MAP3K5: variants seen among roughly 807,000 people sequenced by gnomAD.
MAP3K5 encodes mitogen-activated protein kinase kinase kinase 5.
A neutral mutation model predicts 158.7 loss-of-function variants in MAP3K5; 56 were observed. That is an observed-to-expected ratio of 0.35 (90% CI 0.28 to 0.44). The LOEUF is 0.44. Among genes scored for constraint, MAP3K5 ranks in the 20% least tolerant of loss-of-function variants. MAP3K5 has a pLI of 1.00. For synonymous variants in MAP3K5, 579 were observed against 601.7 expected (o/e 0.96, Z 0.55); for missense variants, 1,294 against 1,674.8 (o/e 0.77, Z 3.97).
At chr6:136,577,040 C>T (rs559145976) in intron 25 of MAP3K5, among the ~76,000 whole-genome samples, 87 of 152,018 alleles carry the variant, frequency 5.7e-4, no homozygotes, top group African/African-American at 1.9e-3. Flanking sequence ...TGCCTAAGGA[C>T]GCATGTCTCA....
intron 14 of MAP3K5, among the ~76,000 whole-genome samples, chr6:136,635,657 G>A (rs1354681806): frequency 6.9e-6 from 1 of 145,168 alleles, no homozygotes; most frequent in Non-Finnish European, 1.5e-5. Flanking sequence ...GGAGGCCGAA[G>A]AGGGAGAACT....
intron 23 of MAP3K5, among the ~76,000 whole-genome samples, chr6:136,588,569 G>A (rs1775241737): frequency 6.6e-6 from 1 of 152,166 alleles, no homozygotes; most frequent in Non-Finnish European, 1.5e-5. Context: ...TTTTTGTTCA[G>A]TTCGCCACAG....
At chr6:136,583,849 G>A (rs1200197115) in intron 23 of MAP3K5, 109 bp from the exon 24 acceptor site, 1 of 1,016,308 alleles carries the variant, frequency 9.8e-7, no homozygotes, top group African/African-American at 1.6e-5. Context: ...TTTTGGTAGA[G>A]ACAAGGTCTC....
At chr6:136,645,978 GTTAT>G (rs1317749537) in intron 11 of MAP3K5, among the ~76,000 whole-genome samples, 1 of 151,904 alleles carries the variant, frequency 6.6e-6, no homozygotes, top group Non-Finnish European at 1.5e-5. Context: ...TTGCTTCTCT[GTTAT>G]TTATAGTTGT....
intron 1 of MAP3K5, among the ~76,000 whole-genome samples, chr6:136,742,166 G>A (rs1421791838): frequency 6.6e-6 from 1 of 152,068 alleles, no homozygotes; most frequent in Admixed American, 6.5e-5. Flanking sequence ...ATGTGGAGAG[G>A]GAAAAGACCA....
intron 3 of MAP3K5, among the ~76,000 whole-genome samples, chr6:136,699,393 C>T (rs1323160357): frequency 1.3e-5 from 2 of 152,242 alleles, no homozygotes; most frequent in Non-Finnish European, 2.9e-5. Context: ...TTACTCTCCA[C>T]TCTGCCATCA....
intron 2 of MAP3K5, among the ~76,000 whole-genome samples, chr6:136,718,369 A>G (rs1562641692): frequency 6.6e-6 from 1 of 152,184 alleles, no homozygotes. Context: ...ACACCTGGCT[A>G]ATTTTTGTAT....
intron 14 of MAP3K5, among the ~76,000 whole-genome samples, chr6:136,626,462 T>C (rs572268358): frequency 2.4e-4 from 37 of 152,234 alleles, no homozygotes; most frequent in African/African-American, 8.7e-4. Flanking sequence ...TGATAGGTGA[T>C]CAGAGGGAAG....
intron 8 of MAP3K5, among the ~76,000 whole-genome samples, chr6:136,668,541 G>A (rs1259001457): frequency 6.6e-6 from 1 of 152,126 alleles, no homozygotes; most frequent in Non-Finnish European, 1.5e-5. Context: ...CTGAAAGGAG[G>A]TCGTTAGACA....
rs1369307681 is a variant in MAP3K5 at position 136,674,831 on chromosome 6, G to C, written c.1254-5436C>G. Among the ~76,000 whole-genome samples, 6 of 151,882 alleles carry C rather than the reference G, an allele frequency of 4.0e-5. No homozygotes were observed. In the East Asian group the frequency reaches 5.8e-4, roughly 15 times the overall value. On this transcript the variant is annotated intron_variant, in intron 7 of 29. Coordinates refer to ENST00000359015, the MANE Select transcript of MAP3K5 (RefSeq NM_005923.4). ...ATGCTCAAAGGAAATGCTCATTGGA[G>C]CATTTCTGATTTCCAATTTTCAGAT...
At chr6:136,642,024 T>TAAAATA (rs1366633314) in intron 12 of MAP3K5, among the ~76,000 whole-genome samples, 3 of 106,172 alleles carry the variant, frequency 2.8e-5, no homozygotes, top group African/African-American at 1.3e-4. Context: ...ATAAATAAAA[T>TAAAATA]AAAATAAAAA....
intron 7 of MAP3K5, among the ~76,000 whole-genome samples, chr6:136,677,074 G>GCCA (rs1779736035): frequency 6.6e-6 from 1 of 150,884 alleles, no homozygotes; most frequent in African/African-American, 2.4e-5. Flanking sequence ...ACAGGCATGA[G>GCCA]CCACTGTGCC....
intron 21 of MAP3K5, among the ~76,000 whole-genome samples, chr6:136,595,009 T>C (rs1775560671): frequency 1.3e-5 from 2 of 152,206 alleles, no homozygotes; most frequent in African/African-American, 4.8e-5. Flanking sequence ...AAACTGTATA[T>C]GCTTAAGGAT....
chr6:136,715,836 G>T (rs1239958585), intron 2 of MAP3K5, among the ~76,000 whole-genome samples: 1 of 151,694 alleles, frequency 6.6e-6, no homozygotes, highest in Non-Finnish European at 1.5e-5. Flanking sequence ...TTTGATATCA[G>T]CCTGGCCAAC....
chr6:136,734,640 T>C (rs377570320), intron 1 of MAP3K5, among the ~76,000 whole-genome samples: 62 of 152,338 alleles, frequency 4.1e-4, no homozygotes, highest in African/African-American at 1.4e-3. Flanking sequence ...AATTAGATAC[T>C]GAAAAGGCTG....
chr6:136,578,046 G>A (rs890250361), intron 25 of MAP3K5, among the ~76,000 whole-genome samples: 10 of 151,916 alleles, frequency 6.6e-5, no homozygotes, highest in African/African-American at 2.4e-4. Context: ...AATTTAGGTT[G>A]CTACTGTGTT....
chr6:136,646,909 C>G (rs112461592), intron 11 of MAP3K5, among the ~76,000 whole-genome samples: 1 of 152,148 alleles, frequency 6.6e-6, no homozygotes, highest in South Asian at 2.1e-4. Flanking sequence ...CAACTAAACA[C>G]GTCCAAAATG....
At chr6:136,681,388 A>G (rs1334879015) in intron 7 of MAP3K5, among the ~76,000 whole-genome samples, 2 of 152,192 alleles carry the variant, frequency 1.3e-5, no homozygotes, top group Non-Finnish European at 2.9e-5. Context: ...AATCCCAGAA[A>G]TCTGGAAGGC....
intron 7 of MAP3K5, among the ~76,000 whole-genome samples, chr6:136,680,240 A>T (rs1779876148): frequency 1.3e-5 from 2 of 152,108 alleles, no homozygotes; most frequent in Non-Finnish European, 2.9e-5. Context: ...AAGATGAAAA[A>T]ATTTTCTGTG....
Sources: allele counts gnomAD v4.1 joint callset (sites outside exome capture counted in the v4.1 genomes callset), GRCh38; gene constraint gnomAD v4.1.1; transcripts MANE v1.5; gene names NCBI Gene and HGNC (gene_info 2026-07-23, HGNC 2026-07-21).